Variants in FBXW7 observed in about 807,000 individuals in gnomAD.
FBXW7 encodes F-box and WD repeat domain containing 7, also known as F-box/WD repeat-containing protein 7.
Under a neutral mutation model 86.3 loss-of-function variants are expected in FBXW7, and 11 were observed. That is an observed-to-expected ratio of 0.13 (90% CI 0.08 to 0.21). FBXW7 has a LOEUF of 0.21. FBXW7 is among the 10% of genes least tolerant of loss of function. The pLI is 1.00. For synonymous variants in FBXW7, 313 were observed against 297.9 expected, an observed-to-expected ratio of 1.05 and a Z score of -0.52; for missense variants, 488 against 847.4, an observed-to-expected ratio of 0.58 and a Z score of 5.27.
At chr4:152,479,398 C>T (rs1328000077) in intron 2 of FBXW7, among the ~76,000 whole-genome samples, 1 of 152,018 alleles carries the variant, frequency 6.6e-6, no homozygotes, top group Non-Finnish European at 1.5e-5. Context: ...GAGAGCAATC[C>T]AAGGGCAAAT....
chr4:152,325,447 A>G (rs1578873221), intron 12 of FBXW7: 1 of 152,246 alleles, frequency 6.6e-6, no homozygotes, highest in Admixed American at 6.5e-5. Context: ...TGATCTCAAA[A>G]TATGGCAATG....
chr4:152,430,686 T>C (rs1023592635), intron 2 of FBXW7, among the ~76,000 whole-genome samples: 5 of 152,158 alleles, frequency 3.3e-5, no homozygotes, highest in African/African-American at 4.8e-5. Context: ...AGTCACAGTA[T>C]TGACAGATAA....
intron 2 of FBXW7, among the ~76,000 whole-genome samples, chr4:152,467,020 T>A (rs1006035662): frequency 6.6e-6 from 1 of 152,212 alleles, no homozygotes; most frequent in Non-Finnish European, 1.5e-5. Context: ...ACAAGAAAGA[T>A]AAGAACCTGA....
chr4:152,511,997 T>C (rs1004638561), intron 2 of FBXW7, among the ~76,000 whole-genome samples: 2 of 152,142 alleles, frequency 1.3e-5, no homozygotes, highest in Non-Finnish European at 2.9e-5. Flanking sequence ...AACCAGAAAA[T>C]CAATGATTTG....
intron 2 of FBXW7, among the ~76,000 whole-genome samples, chr4:152,485,994 C>G (rs1745303031): frequency 1.3e-5 from 2 of 152,168 alleles, no homozygotes; most frequent in Non-Finnish European, 2.9e-5. Context: ...CACGGTATAG[C>G]CCATTGCTCC....
chr4:152,404,273 A>G (rs1737211281), intron 4 of FBXW7, among the ~76,000 whole-genome samples: 1 of 152,242 alleles, frequency 6.6e-6, no homozygotes, highest in Non-Finnish European at 1.5e-5. Context: ...AAAAGACCAC[A>G]TAGAATAATA....
At chr4:152,501,861 C>G (rs766440086) in intron 2 of FBXW7, among the ~76,000 whole-genome samples, 49 of 152,056 alleles carry the variant, frequency 3.2e-4, no homozygotes, top group Non-Finnish European at 5.7e-4. Flanking sequence ...TACAGGCAAG[C>G]TATGATTTCA....
chr4:152,474,028 A>G (rs1744186010), intron 2 of FBXW7, among the ~76,000 whole-genome samples: 1 of 152,212 alleles, frequency 6.6e-6, no homozygotes, highest in African/African-American at 2.4e-5. Context: ...CAGACTAGGA[A>G]TATAGTTTAG....
chr4:152,488,372 T>G (rs1745539128), intron 2 of FBXW7, among the ~76,000 whole-genome samples: 1 of 152,094 alleles, frequency 6.6e-6, no homozygotes, highest in Non-Finnish European at 1.5e-5. Context: ...CGGCTTTCAC[T>G]TCACTTGTCT....
chr4:152,360,705 C>CT (rs964695731), intron 4 of FBXW7, among the ~76,000 whole-genome samples: 1 of 151,916 alleles, frequency 6.6e-6, no homozygotes, highest in African/African-American at 2.4e-5. Flanking sequence ...GACTGTAAAA[C>CT]TAGAAGGTAT....
chr4:152,417,082 T>G (rs1171929067), intron 2 of FBXW7, among the ~76,000 whole-genome samples: 1 of 152,116 alleles, frequency 6.6e-6, no homozygotes, highest in Non-Finnish European at 1.5e-5. Context: ...CGCTAGCTCC[T>G]CCCTCCTTTG....
At chr4:152,522,973 T>C (rs1362332649) in intron 2 of FBXW7, among the ~76,000 whole-genome samples, 1 of 152,208 alleles carries the variant, frequency 6.6e-6, no homozygotes, top group Non-Finnish European at 1.5e-5. Context: ...CATCTGACAC[T>C]TGAAAAGTAG....
At chr4:152,468,588 G>C (rs1743662969) in intron 2 of FBXW7, among the ~76,000 whole-genome samples, 1 of 152,118 alleles carries the variant, frequency 6.6e-6, no homozygotes, top group Non-Finnish European at 1.5e-5. Flanking sequence ...TGGTTGCCTA[G>C]GGCTGGGTGA....
chr4:152,406,082 C>G (rs2126858372), intron 4 of FBXW7, among the ~76,000 whole-genome samples: 1 of 152,252 alleles, frequency 6.6e-6, no homozygotes, highest in South Asian at 2.1e-4. Flanking sequence ...CTACCACCAA[C>G]AAAAACAACA....
intron 4 of FBXW7, among the ~76,000 whole-genome samples, chr4:152,396,252 A>G (rs749307360): frequency 2.6e-5 from 4 of 151,946 alleles, no homozygotes; most frequent in Non-Finnish European, 5.9e-5. Flanking sequence ...GTGATCTCTT[A>G]CCCTTTATAA....
intron 6 of FBXW7, 166 bp from the exon 7 acceptor site, chr4:152,338,102 T>C (rs956148888): frequency 2.1e-5 from 9 of 428,850 alleles, no homozygotes. Context: ...GAAGAAGGCA[T>C]TTAATTTCAT....
At chr4:152,376,160 A>G (rs145655692) in intron 4 of FBXW7, among the ~76,000 whole-genome samples, 1 of 152,108 alleles carries the variant, frequency 6.6e-6, no homozygotes, top group African/African-American at 2.4e-5. Context: ...TTACATATTT[A>G]ACATGTCTAA....
At chr4:152,375,679 A>G (rs1389800169) in intron 4 of FBXW7, among the ~76,000 whole-genome samples, 2 of 152,162 alleles carry the variant, frequency 1.3e-5, no homozygotes, top group Admixed American at 6.5e-5. Context: ...GTACAATGAT[A>G]CAGTATCAGC....
intron 2 of FBXW7, among the ~76,000 whole-genome samples, chr4:152,459,908 G>A (rs774333664): frequency 1.3e-5 from 2 of 152,150 alleles, no homozygotes; most frequent in Admixed American, 6.5e-5. Flanking sequence ...GTGGATAAGG[G>A]GGACTACTAT....
Sources: gnomAD v4.1 joint callset for allele counts (sites outside exome capture counted in the v4.1 genomes callset) on GRCh38, gnomAD v4.1.1 for gene constraint, MANE v1.5 for transcripts, NCBI Gene and HGNC (gene_info 2026-07-23, HGNC 2026-07-21) for gene names.